Variants in DHRS4L2 observed in about 807,000 individuals in gnomAD.
DHRS4L2 encodes the protein dehydrogenase/reductase SDR family member 4-like 2.
A neutral mutation model predicts 23.9 loss-of-function variants in DHRS4L2; 22 were observed. The ratio of observed to expected loss-of-function variants is 0.92; its 90% confidence interval spans 0.66 to 1.31. The LOEUF is 1.31. Among genes scored for constraint, DHRS4L2 ranks in the 40% most tolerant of loss-of-function variants. The pLI is 0.00. For missense variants in DHRS4L2, 385 were observed against 303.3 expected, an observed-to-expected ratio of 1.27 and a Z score of -2.00; for synonymous variants, 141 against 123.7, an observed-to-expected ratio of 1.14 and a Z score of -0.93.
intron 1 of DHRS4L2, among the ~76,000 whole-genome samples, chr14:23,982,931 A>G (rs1272089255): frequency 6.6e-6 from 1 of 151,706 alleles, no homozygotes; most frequent in Non-Finnish European, 1.5e-5. Context: ...TAAAAACCCT[A>G]GAAGAAAACC....
chr14:23,990,492 G>T (rs2034248496), intron 2 of DHRS4L2, 133 bp downstream of exon 2: 1 of 1,358,280 alleles, frequency 7.4e-7, no homozygotes, highest in African/African-American at 1.5e-5. Context: ...ACTAACGTCA[G>T]AGAATCATCC....
chr14:23,998,479 C>G (rs2034425980), intron 3 of DHRS4L2, among the ~76,000 whole-genome samples: 4 of 149,220 alleles, frequency 2.7e-5, no homozygotes, highest in Non-Finnish European at 6.0e-5. Context: ...CTGTTGTTTG[C>G]TGTAGCCACC....
In DHRS4L2 at chr14:23,994,446, A is replaced by G. The variant is rs116920173; in HGVS notation, c.307-586A>G. 8.9e-3 allele frequency among the ~76,000 whole-genome samples: 1,357 copies of G among 151,872 alleles called. 80 individuals are homozygous for G. The highest frequency in any genetic ancestry group is 9.0e-3 in the Non-Finnish European group (608 of 67,928). ...TGGTGGCTTGTGCCTATAACACTTT[A>G]GGATACCAAGGCAGGTGGATGGCTT... On this transcript the variant is annotated intron_variant, in intron 2 of 7. Coordinates refer to ENST00000335125, the MANE Select transcript of DHRS4L2 (RefSeq NM_198083.4).
chr14:23,974,249 G>A (rs1054253328), intron 1 of DHRS4L2, among the ~76,000 whole-genome samples: 3 of 148,512 alleles, frequency 2.0e-5, no homozygotes, highest in Admixed American at 1.3e-4. Flanking sequence ...ATTTAAAACA[G>A]TGTGTAGAGG....
chr14:23,980,485 G>A (rs2034032611), intron 1 of DHRS4L2, among the ~76,000 whole-genome samples: 1 of 138,862 alleles, frequency 7.2e-6, no homozygotes, highest in Non-Finnish European at 1.6e-5. Context: ...CCAAAAGCTG[G>A]CAGAGACACA....
chr14:24,001,406 G>C lies in DHRS4L2; in HGVS notation c.554G>C (p.Ser185Thr), dbSNP rs1479886253. Reference sequence around the variant, plus strand: ...CAGGGCTTCAGTCCTTACAATGTCAGTAAAACAGCCTTGCTGGGCCTCAAC... The same window carrying C: ...CAGGGCTTCAGTCCTTACAATGTCACTAAAACAGCCTTGCTGGGCCTCAAC... Reference protein sequence around the residue: ...PSPGFSPYNVSKTALLGLNNT... With the variant: ...PSPGFSPYNVTKTALLGLNNT... Residue 185 changes from serine to threonine, a missense_variant, in exon 6 of 8, where the codon AGT (serine) becomes ACT (threonine). Ser to Thr is a moderately conservative substitution (Grantham distance 58). Transcript: ENST00000335125. 6.2e-7 allele frequency: 1 copy of C among 1,607,692 alleles called. No individual in the cohort carries two copies. The highest frequency in any genetic ancestry group is 2.2e-5 in the East Asian group (1 of 44,462).
upstream of DHRS4L2, among the ~76,000 whole-genome samples, chr14:23,986,241 C>G (rs1367373227): frequency 1.3e-5 from 2 of 151,240 alleles, no homozygotes; most frequent in African/African-American, 4.9e-5. Flanking sequence ...TTCCTTCTAT[C>G]CTTTTCTGCT....
At chr14:23,998,293 G>A (rs1442161605) in intron 3 of DHRS4L2, among the ~76,000 whole-genome samples, 2 of 151,830 alleles carry the variant, frequency 1.3e-5, no homozygotes, top group Non-Finnish European at 1.5e-5. Context: ...AGAATTTTCA[G>A]AATGGTAAAT....
chr14:23,984,819 AAAAAAAGAATTT>A (rs2034111683), upstream of DHRS4L2, among the ~76,000 whole-genome samples: 1 of 150,766 alleles, frequency 6.6e-6, no homozygotes, highest in African/African-American at 2.4e-5. Context: ...AAAAAAAAAA[AAAAAAAGAATTT>A]AAAATGCCAC....
intron 3 of DHRS4L2, among the ~76,000 whole-genome samples, chr14:23,995,681 C>G (rs949600142): frequency 6.6e-6 from 1 of 151,702 alleles, no homozygotes; most frequent in African/African-American, 2.4e-5. Flanking sequence ...ATCCAGATGT[C>G]TAAATTCAAG....
intron 1 of DHRS4L2, among the ~76,000 whole-genome samples, chr14:23,973,340 C>G (rs2033901360): frequency 6.6e-6 from 1 of 151,990 alleles, no homozygotes; most frequent in African/African-American, 2.4e-5. Context: ...GTGCTGCGCA[C>G]AGCCCCAGTT....
chr14:23,975,068 T>C (rs1309643239), intron 1 of DHRS4L2, among the ~76,000 whole-genome samples: 7 of 151,684 alleles, frequency 4.6e-5, no homozygotes, highest in Admixed American at 2.0e-4. Context: ...CAACATAGTA[T>C]TGGAAGTTCT....
upstream of DHRS4L2, among the ~76,000 whole-genome samples, chr14:23,985,716 T>C (rs1199525197): frequency 2.0e-5 from 3 of 151,466 alleles, 1 homozygote; most frequent in Non-Finnish European, 2.9e-5. Context: ...GTTCCTCTTC[T>C]TTTTTTATTT....
chr14:23,984,106 AT>A (rs1167707773), upstream of DHRS4L2, among the ~76,000 whole-genome samples: 16 of 151,700 alleles, frequency 1.1e-4, no homozygotes, highest in East Asian at 3.1e-3. Flanking sequence ...AAGAAATGCA[AT>A]TTGAAGGGCA....
chr14:23,984,699 C>T (rs779225318), upstream of DHRS4L2, among the ~76,000 whole-genome samples: 15 of 144,126 alleles, frequency 1.0e-4, no homozygotes, highest in Middle Eastern at 3.8e-3. Context: ...CCCAGCTACT[C>T]GGGAGGCTGA....
At chr14:23,996,955 A>G (rs1195115873) in intron 3 of DHRS4L2, among the ~76,000 whole-genome samples, 1 of 151,800 alleles carries the variant, frequency 6.6e-6, no homozygotes, top group Non-Finnish European at 1.5e-5. Flanking sequence ...AGTCTTTAAA[A>G]TAAAGGAGCA....
chr14:23,972,456 C>A (rs367617726), intron 1 of DHRS4L2, among the ~76,000 whole-genome samples: 117 of 152,108 alleles, frequency 7.7e-4, no homozygotes, highest in African/African-American at 2.7e-3. Context: ...GTGAGTGTTA[C>A]AGCTCATAAA....
intron 1 of DHRS4L2, among the ~76,000 whole-genome samples, chr14:23,989,417 T>C (rs1015831803): frequency 1.3e-5 from 2 of 151,614 alleles, no homozygotes; most frequent in African/African-American, 4.8e-5. Context: ...ATTCAAAATC[T>C]TATAACAAGG....
chr14:23,980,889 C>T (rs561401243), intron 1 of DHRS4L2, among the ~76,000 whole-genome samples: 252 of 151,648 alleles, frequency 1.7e-3, no homozygotes, highest in Non-Finnish European at 2.9e-3. Flanking sequence ...CTTTGAAAAT[C>T]GGCACAAGAC....
Sources: gnomAD v4.1 joint callset for allele counts (sites outside exome capture counted in the v4.1 genomes callset) on GRCh38, gnomAD v4.1.1 for gene constraint, MANE v1.5 for transcripts, NCBI Gene and HGNC (gene_info 2026-07-23, HGNC 2026-07-21) for gene names.